Variants in BCAR1 observed in about 807,000 individuals in gnomAD.
BCAR1 encodes the protein BCAR1 scaffold protein, Cas family member, also known as breast cancer anti-estrogen resistance protein 1.
In BCAR1, 30 loss-of-function variants were observed where a neutral mutation model predicts 67.6. The ratio of observed to expected loss-of-function variants is 0.44; its 90% CI spans 0.33 to 0.60. BCAR1 has a LOEUF of 0.60. Among genes scored for constraint, BCAR1 ranks in the 20% least tolerant of loss-of-function variants. BCAR1 has a pLI of 0.02. For missense variants in BCAR1, 1,313 were observed against 1,222.3 expected, an observed-to-expected ratio of 1.07 and a Z score of -1.11; for synonymous variants, 626 against 556.7, an observed-to-expected ratio of 1.12 and a Z score of -1.75.
At chr16:75,256,578 C>G (rs1416048258), upstream of BCAR1, among the ~76,000 whole-genome samples, 3 of 152,142 alleles carry the variant, frequency 2.0e-5, no homozygotes, top group African/African-American at 7.2e-5. Flanking sequence ...TCCAGCCCTA[C>G]GCCTCCACTT....
Position 75,243,055 on chromosome 16 carries a change from GGC to G in BCAR1, c.46_47del (p.Ala16ArgfsTer5). ...GGAAGGAGAGCTCATCCGGGGACTC[GGC>G]CACATTGTCATAGAGCGCTTTGGCC... The part of the protein sequence containing the change: ...VLAKALYDNV[A>X]ESPDELSFRK... On this transcript the variant is annotated frameshift_variant, in exon 2 of 7. Transcript: ENST00000162330. LOFTEE classifies it high-confidence loss of function. 1 of 1,606,852 alleles carries G rather than the reference GGC, an allele frequency of 6.2e-7. No individual in the cohort carries two copies. The highest frequency in any genetic ancestry group is 1.1e-5 in the South Asian group (1 of 90,432).
intron 1 of BCAR1, chr16:75,250,014 C>T (rs143842299): frequency 0.03 from 4,570 of 152,496 alleles, 100 homozygotes; most frequent in Middle Eastern, 0.11. Flanking sequence ...CTCAGGGCCC[C>T]TCCTGTACAG....
intron 1 of BCAR1, among the ~76,000 whole-genome samples, chr16:75,267,400 G>C (rs1041479971): frequency 9.4e-5 from 14 of 149,462 alleles, no homozygotes; most frequent in East Asian, 5.9e-4. Flanking sequence ...AAGCCGGGGG[G>C]GGGGTGGGGG....
At chr16:75,264,427 T>C (rs796351365) in intron 1 of BCAR1, 1 of 1,527,218 alleles carries the variant, frequency 6.5e-7, no homozygotes, top group Non-Finnish European at 8.8e-7. Context: ...GCCAGTCCCC[T>C]GAGGCCCTGG....
Position 75,242,779 on chromosome 16 carries a change from C to G in BCAR1, c.324G>C (p.Gln108His). ...QYTPMLPNTYQPQPDSVYLVP... is the reference protein window; with the variant it reads ...QYTPMLPNTYHPQPDSVYLVP... ...CCAGGTAGACGCTGTCTGGCTGGGG[C>G]TGGTAGGTGTTGGGGAGCATGGGCG... Residue 108 changes from glutamine to histidine, a missense_variant, in exon 2 of 7, where the codon CAG (glutamine) becomes CAC (histidine). By Grantham distance (24) the Gln-to-His change is conservative. This residue lies in a region of BCAR1 where 1,272 missense variants were observed against 1,137.5 expected (regional missense o/e 1.12). Transcript: ENST00000162330. The G allele has an allele frequency of 6.3e-7, 1 of 1,598,114 alleles. No homozygotes were observed. Among genetic ancestry groups the G allele is most frequent in the Non-Finnish European group, 8.5e-7 (1 of 1,172,288 alleles).
chr16:75,236,939 C>T lies in BCAR1; in HGVS notation c.855G>A (p.Glu285=). ...KGPNGRDPLL[E]VYDVPPSVEK... The stretch of plus-strand genomic sequence containing the variant: ...CCACACTGGGGGGCACGTCATACAC[C>T]TCCAGCAACGGGTCTCGGCCATTGG... Residue 285 remains glutamate (E), a synonymous_variant, in exon 4 of 7, where the codon GAG becomes GAA. Coordinates refer to ENST00000162330, the MANE Select transcript of BCAR1 (RefSeq NM_014567.5). The T allele has an allele frequency of 6.2e-7, 1 of 1,612,622 alleles. No homozygotes were observed. The highest frequency in any genetic ancestry group is 8.5e-7 in the Non-Finnish European group (1 of 1,179,488).
In BCAR1 at chr16:75,229,909, A is replaced by T; in HGVS notation, c.2215T>A (p.Ser739Thr). ...APGRTGGLGP[S>T]DRQLLLFYLE... Reference sequence around the variant, plus strand: ...TAGAAGAGCAGCAGCTGCCGGTCCGAGGGCCCCAGGCCGCCTGTTCGCCCC... The same window carrying T: ...TAGAAGAGCAGCAGCTGCCGGTCCGTGGGCCCCAGGCCGCCTGTTCGCCCC... Residue 739 changes from serine (S) to threonine (T), a missense_variant, in exon 7 of 7, where the codon TCG (serine) becomes ACG (threonine). Coordinates refer to ENST00000162330, the MANE Select transcript of BCAR1 (RefSeq NM_014567.5). The T allele has an allele frequency of 6.2e-7, 1 of 1,609,612 alleles. No homozygotes were observed. Among genetic ancestry groups the T allele is most frequent in the Non-Finnish European group, 8.5e-7 (1 of 1,177,200 alleles).
At chr16:75,256,516 G>T (rs192932114), upstream of BCAR1, among the ~76,000 whole-genome samples, 971 of 90,106 alleles carry the variant, frequency 0.011, 7 homozygotes, top group African/African-American at 0.031. Context: ...AGCACGGATG[G>T]GGGGGGGTGG....
intron 6 of BCAR1, among the ~76,000 whole-genome samples, chr16:75,231,572 C>T (rs1397352415): frequency 6.6e-6 from 1 of 152,236 alleles, no homozygotes; most frequent in African/African-American, 2.4e-5. Context: ...TTAACATGGA[C>T]TTTATGTCCT....
chr16:75,262,023 A>G (rs1325722334), intron 1 of BCAR1, among the ~76,000 whole-genome samples: 3 of 152,236 alleles, frequency 2.0e-5, no homozygotes, highest in African/African-American at 7.2e-5. Flanking sequence ...CCCATGACAC[A>G]GAGGAGGAAA....
chr16:75,262,436 G>T (rs1312110050), intron 1 of BCAR1, among the ~76,000 whole-genome samples: 3 of 152,252 alleles, frequency 2.0e-5, no homozygotes, highest in Non-Finnish European at 2.9e-5. Flanking sequence ...ATGGCGCAGA[G>T]CTTGAGGTGA....
intron 5 of BCAR1, among the ~76,000 whole-genome samples, 187 bp from the exon 6 acceptor site, chr16:75,234,122 T>C (rs1207713226): frequency 7.1e-6 from 1 of 141,538 alleles, no homozygotes. Context: ...CAAGCACACG[T>C]GAACACACAC....
intron 6 of BCAR1, among the ~76,000 whole-genome samples, chr16:75,232,044 G>A (rs1036065268): frequency 6.7e-6 from 1 of 150,322 alleles, no homozygotes; most frequent in Non-Finnish European, 1.5e-5. Context: ...ACCATGCCCA[G>A]CTAATTGTTT....
intron 6 of BCAR1, 69 bp downstream of exon 6, chr16:75,233,777 C>A (rs2076984078): frequency 8.7e-6 from 13 of 1,490,166 alleles, no homozygotes; most frequent in Non-Finnish European, 1.1e-5. Context: ...GTCGGCCCTG[C>A]AGGGCAAGAG....
Position 75,262,804 on chromosome 16 carries a change from T to A in BCAR1, c.66+5111A>T, listed in dbSNP as rs189496029. On this transcript the variant is annotated intron_variant, in intron 1 of 6. Coordinates refer to the BCAR1 transcript ENST00000393422. ...GGGCTGGCTGGGGCTAGACCCACCC[T>A]GCTGCACAGCCTTGGGTGCTACCTG... Among the ~76,000 whole-genome samples, 255 of 152,310 alleles carry A rather than the reference T, an allele frequency of 1.7e-3. 1 individual carries two copies. Among genetic ancestry groups the A allele is most frequent in the Admixed American group, 9.5e-3 (146 of 15,312 alleles).
chr16:75,237,068 G>A (rs1319598218), intron 3 of BCAR1, 70 bp from the exon 4 acceptor site: 25 of 1,528,882 alleles, frequency 1.6e-5, no homozygotes, highest in East Asian at 1.2e-4. Flanking sequence ...TGGGAACCCC[G>A]CAGCACCGTC....
At chr16:75,259,514 A>T (rs1318112054) in intron 1 of BCAR1, among the ~76,000 whole-genome samples, 1 of 152,198 alleles carries the variant, frequency 6.6e-6, no homozygotes, top group African/African-American at 2.4e-5. Context: ...GAATGGATAA[A>T]TATCTTGTGG....
At chr16:75,240,079 C>A (rs1223850986) in intron 2 of BCAR1, among the ~76,000 whole-genome samples, 1 of 152,208 alleles carries the variant, frequency 6.6e-6, no homozygotes, top group Non-Finnish European at 1.5e-5. Context: ...CTCCCTCAGC[C>A]ATACGGGCCA....
At position 75,242,982 on chromosome 16, in the gene BCAR1, C is replaced by G; in HGVS notation, c.121G>C (p.Asp41His). Residue 41 changes from aspartate to histidine, a missense_variant, in exon 2 of 7, where the codon GAC becomes CAC. Transcript: ENST00000162330. The stretch of plus-strand genomic sequence containing the variant: ...TGCAGCGAGCAGAGCCACCAGCCGT[C>G]CAGGCCCTGCGTGTCCTGCTCCAGC... ...TVLEQDTQGL[D>H]GWWLCSLHGR... The G allele has an allele frequency of 1.9e-6, 3 of 1,613,634 alleles. No homozygotes were observed. Among genetic ancestry groups the G allele is most frequent in the Non-Finnish European group, 2.5e-6 (3 of 1,179,972 alleles).
Sources: gnomAD v4.1 joint callset for allele counts (sites outside exome capture counted in the v4.1 genomes callset) on GRCh38, gnomAD v4.1.1 for gene constraint, gnomAD v4.1.1 regional missense constraint, MANE v1.5 for transcripts, NCBI Gene and HGNC (gene_info 2026-07-23, HGNC 2026-07-21) for gene names.